Variants in MED30 observed in about 807,000 individuals in gnomAD.
MED30 encodes the protein mediator complex subunit 30, also known as mediator of RNA polymerase II transcription subunit 30.
A neutral mutation model predicts 21.7 loss-of-function variants in MED30; 8 were observed. The ratio of observed to expected loss-of-function variants is 0.37; its 90% confidence interval spans 0.22 to 0.67. The LOEUF is 0.67. Among genes scored for constraint, MED30 ranks in the 30% least tolerant of loss-of-function variants. The pLI, the probability that MED30 is intolerant of heterozygous loss-of-function variation, is 0.58. For synonymous variants in MED30, 79 were observed against 86.7 expected (o/e 0.91, Z 0.49); for missense variants, 203 against 228.2 (o/e 0.89, Z 0.71).
At chr8:117,536,300 T>C (rs1818876792) in intron 3 of MED30, among the ~76,000 whole-genome samples, 1 of 152,234 alleles carries the variant, frequency 6.6e-6, no homozygotes, top group African/African-American at 2.4e-5. Context: ...ATATTTTTAA[T>C]ACATTGGCAT....
intron 3 of MED30, among the ~76,000 whole-genome samples, chr8:117,536,627 A>C (rs1391579322): frequency 6.6e-6 from 1 of 152,246 alleles, no homozygotes; most frequent in African/African-American, 2.4e-5. Flanking sequence ...TGAAACTTTG[A>C]GGCACATGAT....
rs558908449 is a variant in MED30, at chr8:117,523,784, G to T, written c.177+2731G>T. On this transcript the variant is annotated intron_variant, in intron 1 of 3. Transcript: ENST00000297347. ...AGCACTTTGAGAGGCCGAGGTGGGCGGATCACGAGGTCAGGAATTCGAGAC... is the reference window on the plus strand; with the variant it reads ...AGCACTTTGAGAGGCCGAGGTGGGCTGATCACGAGGTCAGGAATTCGAGAC... The T allele has an allele frequency of 1.1e-4, 86 of 765,326 alleles. No individual in the cohort carries two copies. In the African/African-American group the frequency reaches 1.3e-3, roughly 12 times the overall value. 47.4% of individuals were successfully genotyped at this position (765,326 alleles called of 1,614,324 possible).
rs2130809055 is a variant in MED30 at position 117,523,334 on chromosome 8, C to T, written c.177+2281C>T. ...TGGAATTCGGTTGTTGACCCAGCCCCAGTCTCGGCTTTCTTGTCGGCACCA... is the reference window on the plus strand; with the variant it reads ...TGGAATTCGGTTGTTGACCCAGCCCTAGTCTCGGCTTTCTTGTCGGCACCA... On this transcript the variant is annotated intron_variant, in intron 1 of 3. Transcript: ENST00000297347. The T allele has an allele frequency of 2.7e-6, 4 of 1,464,824 alleles. No homozygotes were observed. In the East Asian group the frequency reaches 9.1e-5, roughly 33 times the overall value. The allele number at this position is 1,464,824 out of a possible 1,614,324, so 90.7% of individuals were successfully genotyped here. A position where few individuals can be genotyped will look rare whatever the true frequency, so the allele number is the denominator to read the frequency against.
At position 117,530,710 on chromosome 8, in the gene MED30, T is replaced by C. The variant is rs779814845; in HGVS notation, c.337-13T>C. On this transcript the variant is annotated splice_polypyrimidine_tract_variant and intron_variant, in intron 2 of 3. Transcript: ENST00000297347. Reference sequence around the variant, plus strand: ...TATATTTTTGCCTTTTAATTTTTGTTAATCATTCCCAGCAACTTATTCCAT... The same window carrying C: ...TATATTTTTGCCTTTTAATTTTTGTCAATCATTCCCAGCAACTTATTCCAT... The C allele has an allele frequency of 6.4e-5, 103 of 1,598,312 alleles. No individual in the cohort carries two copies. The highest frequency in any genetic ancestry group is 8.7e-5 in the Non-Finnish European group (102 of 1,170,900).
intron 1 of MED30, among the ~76,000 whole-genome samples, chr8:117,525,463 T>C (rs1238401277): frequency 6.6e-6 from 1 of 152,088 alleles, no homozygotes; most frequent in Non-Finnish European, 1.5e-5. Flanking sequence ...CTTTTACCTT[T>C]TGGCTCTGCT....
At chr8:117,522,976 A>G (rs908680853) in intron 1 of MED30, among the ~76,000 whole-genome samples, 37 of 152,262 alleles carry the variant, frequency 2.4e-4, no homozygotes, top group African/African-American at 7.2e-4. Flanking sequence ...CCTATTTTAC[A>G]GTAAAGGAAA....
chr8:117,521,050 G>C lies in MED30; in HGVS notation c.174G>C (p.Met58Ile). The C allele has an allele frequency of 6.3e-7, 1 of 1,583,534 alleles. No individual in the cohort carries two copies. The highest frequency in any genetic ancestry group is 8.6e-7 in the Non-Finnish European group (1 of 1,160,346). Residue 58 changes from methionine to isoleucine, a missense_variant, in exon 1 of 4, where the codon ATG (methionine) becomes ATC (isoleucine). Met to Ile is a conservative substitution (Grantham distance 10, BLOSUM62 1). Coordinates refer to ENST00000297347, the MANE Select transcript of MED30 (RefSeq NM_080651.4). ...TMEIFQLLRN[M>I]QLPNGVTYHT... ...AGATCTTCCAGCTCCTGAGGAACATGCAGGTAGGAAGGCGGGCGCGCGAGG... is the reference window on the plus strand; with the variant it reads ...AGATCTTCCAGCTCCTGAGGAACATCCAGGTAGGAAGGCGGGCGCGCGAGG...
intron 1 of MED30, among the ~76,000 whole-genome samples, chr8:117,524,660 T>C (rs1232492929): frequency 6.8e-6 from 1 of 147,048 alleles, no homozygotes; most frequent in African/African-American, 2.7e-5. Flanking sequence ...AAAAGGACAG[T>C]GCAGTGAACA....
chr8:117,529,919 A>T (rs1024791321), intron 2 of MED30, among the ~76,000 whole-genome samples: 5 of 151,862 alleles, frequency 3.3e-5, no homozygotes, highest in African/African-American at 1.2e-4. Context: ...AGAAAAGGAG[A>T]ATGTAGACAT....
intron 1 of MED30, chr8:117,523,195 CTTTTTTTTTTTTAAG>C (rs1162018639): frequency 6.7e-6 from 4 of 599,540 alleles, no homozygotes; most frequent in East Asian, 3.5e-5. Flanking sequence ...TCAAAGCCAA[CTTTTTTTTTTTTAAG>C]TTTTTTTTTT....
At chr8:117,533,109 TATA>T (rs576086646) in intron 3 of MED30, among the ~76,000 whole-genome samples, 69 of 152,220 alleles carry the variant, frequency 4.5e-4, no homozygotes, top group Middle Eastern at 3.4e-3. Flanking sequence ...TAGAGGATTT[TATA>T]ATATTTTGTA....
Position 117,535,580 on chromosome 8 carries a change from G to T in MED30, c.442-4303G>T, listed in dbSNP as rs185887170. On this transcript the variant is annotated intron_variant, in intron 3 of 3. Transcript: ENST00000297347. ...GCACACACACCCGAGGGTGTTTCTC[G>T]TAGTGAAAACTGGCTATAGATGATA... Among the ~76,000 whole-genome samples the T allele has an allele frequency of 1.3e-5, 2 of 151,368 alleles. 1 individual carries two copies. The highest frequency in any genetic ancestry group is 2.9e-5 in the Non-Finnish European group (2 of 67,900).
At chr8:117,534,262 TTGCATC>T (rs1818833977) in intron 3 of MED30, among the ~76,000 whole-genome samples, 2 of 152,152 alleles carry the variant, frequency 1.3e-5, no homozygotes, top group Admixed American at 6.5e-5. Flanking sequence ...AAAATTTACC[TTGCATC>T]TGCTGTTGTG....
intron 3 of MED30, among the ~76,000 whole-genome samples, chr8:117,531,387 A>C (rs1309855212): frequency 2.0e-5 from 3 of 151,960 alleles, no homozygotes; most frequent in Non-Finnish European, 4.4e-5. Context: ...AGCTTAGCAA[A>C]ACCTACCAGA....
At chr8:117,535,921 T>A (rs141806900) in intron 3 of MED30, among the ~76,000 whole-genome samples, 15 of 152,262 alleles carry the variant, frequency 9.9e-5, no homozygotes, top group South Asian at 4.1e-4. Context: ...TCTTTTTTTT[T>A]TATACTGAGG....
chr8:117,527,493 T>C (rs1389179091), intron 1 of MED30, among the ~76,000 whole-genome samples: 1 of 151,890 alleles, frequency 6.6e-6, no homozygotes, highest in African/African-American at 2.4e-5. Context: ...GAAAATAAAT[T>C]ATTCAAGCCT....
At chr8:117,524,411 A>G (rs1818688771) in intron 1 of MED30, among the ~76,000 whole-genome samples, 1 of 152,234 alleles carries the variant, frequency 6.6e-6, no homozygotes, top group South Asian at 2.1e-4. Context: ...TTCCTGGTAT[A>G]CACTAGATGT....
Position 117,530,706 on chromosome 8 carries a change from T to C in MED30, c.337-17T>C, listed in dbSNP as rs764870613. 4.4e-6 allele frequency: 7 copies of C among 1,592,284 alleles called. No individual in the cohort carries two copies. Among genetic ancestry groups the C allele is most frequent in the Non-Finnish European group, 2.6e-6 (3 of 1,166,418 alleles). On this transcript the variant is annotated splice_polypyrimidine_tract_variant and intron_variant, in intron 2 of 3. Transcript: ENST00000297347. Reference sequence around the variant, plus strand: ...GAATTATATTTTTGCCTTTTAATTTTTGTTAATCATTCCCAGCAACTTATT... The same window carrying C: ...GAATTATATTTTTGCCTTTTAATTTCTGTTAATCATTCCCAGCAACTTATT...
Position 117,521,023 on chromosome 8 carries a change from G to A in MED30, c.147G>A (p.Met49Ile). ...TGCAGGACATCGTGTACCGCACCAT[G>A]GAGATCTTCCAGCTCCTGAGGAACA... ...ETVQDIVYRT[M>I]EIFQLLRNMQ... is the part of the protein sequence containing the mutation. Residue 49 changes from methionine (M) to isoleucine (I), a missense_variant, in exon 1 of 4, where the codon ATG becomes ATA. Met to Ile is a conservative substitution (Grantham distance 10). Coordinates refer to ENST00000297347, the MANE Select transcript of MED30 (RefSeq NM_080651.4). 6.3e-7 allele frequency: 1 copy of A among 1,595,792 alleles called. No individual in the cohort carries two copies. Among genetic ancestry groups the A allele is most frequent in the Non-Finnish European group, 8.6e-7 (1 of 1,168,424 alleles).
Sources: gnomAD v4.1 joint callset for allele counts (sites outside exome capture counted in the v4.1 genomes callset) on GRCh38, gnomAD v4.1.1 for gene constraint, MANE v1.5 for transcripts, NCBI Gene and HGNC (gene_info 2026-07-23, HGNC 2026-07-21) for gene names.